The following PDE11A variants were observed in gnomAD, a reference collection of about 807,000 sequenced individuals.
PDE11A encodes the protein phosphodiesterase 11A, also known as dual 3',5'-cyclic-AMP and -GMP phosphodiesterase 11A.
PDE11A carries 100 observed loss-of-function variants against 100.5 expected under a neutral mutation model. That is an observed-to-expected ratio of 1.00 (90% CI 0.85 to 1.18). The LOEUF (loss-of-function observed/expected upper bound fraction) is 1.18. Among genes scored for constraint, PDE11A ranks in the 50% most tolerant of loss-of-function variants. The probability of loss-of-function intolerance (pLI) is 0.00; values close to 1 mark genes in which losing one functional copy is unlikely to be tolerated. For synonymous variants in PDE11A, 381 were observed against 420.8 expected, an observed-to-expected ratio of 0.91 and a Z score of 1.16; for missense variants, 1,141 against 1,152.6, an observed-to-expected ratio of 0.99 and a Z score of 0.15.
At chr2:177,981,694 G>T (rs1460780020) in intron 2 of PDE11A, among the ~76,000 whole-genome samples, 1 of 150,844 alleles carries the variant, frequency 6.6e-6, no homozygotes, top group South Asian at 2.1e-4. Flanking sequence ...TTTTGCAGGG[G>T]TGTGGGAAGA....
At chr2:177,662,674 A>G (rs2105476967) in intron 19 of PDE11A, among the ~76,000 whole-genome samples, 1 of 152,346 alleles carries the variant, frequency 6.6e-6, no homozygotes, top group African/African-American at 2.4e-5. Flanking sequence ...AAATAAAAGA[A>G]CATTATGTTC....
At chr2:177,875,522 C>A (rs2084219148) in intron 5 of PDE11A, among the ~76,000 whole-genome samples, 1 of 151,540 alleles carries the variant, frequency 6.6e-6, no homozygotes, top group Non-Finnish European at 1.5e-5. Context: ...GGACCACAGG[C>A]ACCCGCCACC....
intron 15 of PDE11A, chr2:177,688,264 T>A (rs1026162911): frequency 6.6e-6 from 1 of 152,250 alleles, no homozygotes; most frequent in Non-Finnish European, 1.5e-5. Context: ...AGCTGCAGAT[T>A]GCTTGTGCCA....
At chr2:177,845,075 T>A (rs1279397655) in intron 5 of PDE11A, among the ~76,000 whole-genome samples, 12 of 151,268 alleles carry the variant, frequency 7.9e-5, no homozygotes, top group African/African-American at 2.9e-4. Flanking sequence ...GACGGGGTGG[T>A]GGCCGGGCAG....
intron 2 of PDE11A, among the ~76,000 whole-genome samples, chr2:177,946,506 TG>T (rs2085433251): frequency 1.0e-4 from 2 of 20,014 alleles, no homozygotes; most frequent in Non-Finnish European, 8.7e-5. Flanking sequence ...GGGAAGGAGG[TG>T]GGGGGGGTCA....
intron 13 of PDE11A, among the ~76,000 whole-genome samples, chr2:177,708,744 A>G (rs1019343213): frequency 6.6e-6 from 1 of 152,246 alleles, no homozygotes; most frequent in African/African-American, 2.4e-5. Flanking sequence ...CCACTCATGC[A>G]GTTATCCTTT....
At chr2:178,103,929 G>A (rs899970574) in intron 2 of PDE11A, among the ~76,000 whole-genome samples, 1 of 151,874 alleles carries the variant, frequency 6.6e-6, no homozygotes, top group African/African-American at 2.4e-5. Context: ...CTGAATATAC[G>A]CTTCAAACTA....
At chr2:178,078,314 G>T (rs192800044) in intron 2 of PDE11A, among the ~76,000 whole-genome samples, 73 of 152,138 alleles carry the variant, frequency 4.8e-4, no homozygotes, top group Non-Finnish European at 8.5e-4. Flanking sequence ...TCATCTACCT[G>T]CTATAAACCA....
intron 2 of PDE11A, among the ~76,000 whole-genome samples, chr2:177,956,279 T>A (rs1484051193): frequency 6.6e-6 from 1 of 152,092 alleles, no homozygotes; most frequent in Non-Finnish European, 1.5e-5. Flanking sequence ...CAAAAGAAGA[T>A]ATTTATGCAG....
chr2:178,026,525 A>G (rs1169154400), intron 1 of PDE11A, among the ~76,000 whole-genome samples: 3 of 151,906 alleles, frequency 2.0e-5, no homozygotes, highest in Non-Finnish European at 4.4e-5. Flanking sequence ...GCTGGGCGTG[A>G]TGGTAGGAAC....
chr2:177,987,636 C>T (rs376864884), intron 2 of PDE11A, among the ~76,000 whole-genome samples: 7 of 152,146 alleles, frequency 4.6e-5, no homozygotes, highest in Admixed American at 3.9e-4. Flanking sequence ...AGAAAACAGG[C>T]TGCTGTCTCT....
chr2:177,719,285 T>C (rs762284800), intron 12 of PDE11A, among the ~76,000 whole-genome samples: 15 of 152,204 alleles, frequency 9.9e-5, no homozygotes, highest in Non-Finnish European at 1.9e-4. Flanking sequence ...GATTCTGAGA[T>C]GTAGCAGATG....
chr2:178,016,131 A>ATTTTTTTTTTTTTTTTTTTT (rs55638601), intron 1 of PDE11A, among the ~76,000 whole-genome samples: 4 of 83,742 alleles, frequency 4.8e-5, no homozygotes, highest in Non-Finnish European at 4.2e-5. Context: ...TGCCTGGCTA[A>ATTTTTTTTTTTTTTTTTTTT]TTTTTTTTTT....
intron 19 of PDE11A, among the ~76,000 whole-genome samples, chr2:177,661,349 C>T (rs1408922450): frequency 2.9e-4 from 44 of 152,188 alleles, no homozygotes; most frequent in Admixed American, 2.9e-3. Flanking sequence ...AAACCCCAAA[C>T]TTGACTTTCA....
At chr2:177,773,099 C>A (rs779853245) in intron 9 of PDE11A, among the ~76,000 whole-genome samples, 1 of 152,110 alleles carries the variant, frequency 6.6e-6, no homozygotes, top group South Asian at 2.1e-4. Flanking sequence ...CAGCTCACTG[C>A]AGCCTTGACC....
chr2:178,053,704 C>T (rs1250117540), intron 1 of PDE11A, among the ~76,000 whole-genome samples: 1 of 152,134 alleles, frequency 6.6e-6, no homozygotes, highest in Non-Finnish European at 1.5e-5. Context: ...CACAAGCATT[C>T]CTATATACCA....
intron 19 of PDE11A, among the ~76,000 whole-genome samples, chr2:177,640,322 CAA>C (rs551227442): frequency 6.6e-6 from 1 of 152,000 alleles, no homozygotes; most frequent in Non-Finnish European, 1.5e-5. Flanking sequence ...AGGAAAATAT[CAA>C]AAAAATCATT....
At chr2:177,725,305 C>T (rs929707656) in intron 12 of PDE11A, among the ~76,000 whole-genome samples, 4 of 105,568 alleles carry the variant, frequency 3.8e-5, no homozygotes, top group East Asian at 2.3e-4. Flanking sequence ...GGAGAAGATA[C>T]TTACGTTAGA....
At chr2:177,786,689 T>G (rs969217228) in intron 9 of PDE11A, among the ~76,000 whole-genome samples, 148 of 152,220 alleles carry the variant, frequency 9.7e-4, no homozygotes, top group African/African-American at 3.4e-3. Context: ...AGAGAAGTGC[T>G]TAAAGGAGCT....
Sources: gnomAD v4.1 joint callset for allele counts (sites outside exome capture counted in the v4.1 genomes callset) on GRCh38, gnomAD v4.1.1 for gene constraint, MANE v1.5 for transcripts, NCBI Gene and HGNC (gene_info 2026-07-23, HGNC 2026-07-21) for gene names.